Variants in TMEM71 observed in about 807,000 individuals in gnomAD.
TMEM71 encodes transmembrane protein 71.
In TMEM71, 44 loss-of-function variants were observed where a neutral mutation model predicts 38.0. The observed-to-expected ratio is 1.16, with a 90% confidence interval of 0.91 to 1.49. The LOEUF is 1.49. Among genes scored for constraint, TMEM71 ranks in the 40% most tolerant of loss-of-function variants. The pLI is 0.00. For missense variants in TMEM71, 367 were observed against 348.6 expected (o/e 1.05, Z -0.42); for synonymous variants, 133 against 122.5 (o/e 1.09, Z -0.56).
intron 3 of TMEM71, among the ~76,000 whole-genome samples, chr8:132,754,569 A>G (rs767765752): frequency 7.2e-5 from 11 of 152,058 alleles, no homozygotes; most frequent in Non-Finnish European, 1.5e-4. Flanking sequence ...ACCAAAATAA[A>G]CCTCATAGAT....
intron 3 of TMEM71, 57 bp from the exon 4 acceptor site, chr8:132,752,054 T>C: frequency 1.4e-6 from 2 of 1,414,688 alleles, no homozygotes. Flanking sequence ...CAGTCCCAAA[T>C]AAACCATGTC....
intron 5 of TMEM71, among the ~76,000 whole-genome samples, chr8:132,732,449 A>G (rs1426180552): frequency 6.6e-6 from 1 of 152,152 alleles, no homozygotes; most frequent in Non-Finnish European, 1.5e-5. Flanking sequence ...AGACAAGAGC[A>G]TGTGCATGAG....
chr8:132,763,365 T>G (rs1829326341), upstream of TMEM71, among the ~76,000 whole-genome samples: 1 of 152,238 alleles, frequency 6.6e-6, no homozygotes, highest in South Asian at 2.1e-4. Flanking sequence ...TATAGTAGGT[T>G]ATCAATTAAT....
At chr8:132,706,224 T>C (rs1310136805), downstream of TMEM71, among the ~76,000 whole-genome samples, 1 of 152,184 alleles carries the variant, frequency 6.6e-6, no homozygotes, top group Non-Finnish European at 1.5e-5. Flanking sequence ...AGTATTTTCT[T>C]ATAGCAGTCT....
chr8:132,767,962 T>C, the TMEM71 span, among the ~76,000 whole-genome samples: 2 of 152,208 alleles, frequency 1.3e-5, no homozygotes, highest in Non-Finnish European at 2.9e-5. Context: ...ACAATGCCAT[T>C]AAGCAATTAT....
At chr8:132,741,355 C>T (rs6998136) in intron 5 of TMEM71, among the ~76,000 whole-genome samples, 45,400 of 151,816 alleles carry the variant, frequency 0.3, 6,972 homozygotes, top group Non-Finnish European at 0.33. Flanking sequence ...CCATGTGTGG[C>T]GACGAGAGAG....
intron 9 of TMEM71, among the ~76,000 whole-genome samples, chr8:132,713,276 G>A (rs1005701311): frequency 6.6e-6 from 1 of 151,636 alleles, no homozygotes; most frequent in African/African-American, 2.4e-5. Flanking sequence ...CAGAAATTAT[G>A]GGAAGCATCA....
chr8:132,706,825 A>T (rs1826101824), downstream of TMEM71, among the ~76,000 whole-genome samples: 1 of 152,158 alleles, frequency 6.6e-6, no homozygotes, highest in Non-Finnish European at 1.5e-5. Flanking sequence ...CATCCTTTTC[A>T]ATCTCTAATT....
rs557570209 is a variant in TMEM71 at position 132,710,717 on chromosome 8, C to T, written c.*250G>A. ...GCGGTCTCTTTTCCATCACATTCCC[C>T]GTCCTTTTCCTTTCAACTGCCGGTG... On this transcript the variant is annotated 3_prime_UTR_variant, in exon 10 of 10. Transcript: ENST00000677595. 275 of 561,186 alleles carry T rather than the reference C, an allele frequency of 4.9e-4. 4 individuals are homozygous for T. In the East Asian group the frequency reaches 8.1e-3, roughly 16 times the overall value. 34.8% of individuals were successfully genotyped at this position (561,186 alleles called of 1,614,324 possible).
intron 5 of TMEM71, 22 bp downstream of exon 5, chr8:132,746,920 G>A (rs1449438341): frequency 6.4e-7 from 1 of 1,553,002 alleles, no homozygotes; most frequent in Non-Finnish European, 8.7e-7. Flanking sequence ...ATTTTACTAT[G>A]GAAAGGAGGA....
In TMEM71 at chr8:132,710,571, A is replaced by C; in HGVS notation, c.*396T>G. 19 of 401,128 alleles carry C rather than the reference A, an allele frequency of 4.7e-5. No homozygotes were observed. The highest frequency in any genetic ancestry group is 9.0e-5 in the Admixed American group (2 of 22,194). The allele number at this position is 401,128 out of a possible 1,614,324, so 24.8% of individuals were successfully genotyped here. On this transcript the variant is annotated 3_prime_UTR_variant, in exon 10 of 10. Coordinates refer to ENST00000677595, the MANE Select transcript of TMEM71 (RefSeq NM_001382403.1). ...ATTATTCTATTAAAGCAATTCAGCA[A>C]GAGATAGGTGCATGTGGCAGACCCA...
intron 6 of TMEM71, 87 bp downstream of exon 6, chr8:132,727,711 T>C: frequency 8.0e-7 from 1 of 1,252,386 alleles, no homozygotes. Context: ...AGCTCCTAAC[T>C]GCATTTTAGT....
intron 6 of TMEM71, 70 bp downstream of exon 6, chr8:132,727,728 C>T (rs1042514335): frequency 7.1e-7 from 1 of 1,403,128 alleles, no homozygotes; most frequent in Non-Finnish European, 9.7e-7. Flanking sequence ...TAGTCATCTC[C>T]AAGTCATTCT....
At chr8:132,743,198 G>A (rs370321890) in intron 5 of TMEM71, among the ~76,000 whole-genome samples, 4,005 of 146,448 alleles carry the variant, frequency 0.027, 184 homozygotes, top group African/African-American at 0.096. Flanking sequence ...AAGAAGAGCC[G>A]CAGGGACTCA....
At chr8:132,770,094 C>G in the TMEM71 span, among the ~76,000 whole-genome samples, 2 of 152,130 alleles carry the variant, frequency 1.3e-5, no homozygotes, top group Non-Finnish European at 2.9e-5. Flanking sequence ...GGGGATTGTA[C>G]GTTGTAGAGA....
chr8:132,716,198 C>T (rs1826521148), intron 7 of TMEM71, among the ~76,000 whole-genome samples: 1 of 152,254 alleles, frequency 6.6e-6, no homozygotes, highest in African/African-American at 2.4e-5. Flanking sequence ...CCTGCTCCTG[C>T]CCCTGGCCTC....
At chr8:132,713,794 T>A (rs1295068968) in intron 9 of TMEM71, among the ~76,000 whole-genome samples, 2 of 152,252 alleles carry the variant, frequency 1.3e-5, no homozygotes, top group Non-Finnish European at 2.9e-5. Context: ...AGTCCTGTGC[T>A]TAACAATTAT....
chr8:132,715,257 A>G (rs937671214), intron 7 of TMEM71, among the ~76,000 whole-genome samples: 3 of 151,552 alleles, frequency 2.0e-5, no homozygotes, highest in African/African-American at 7.3e-5. Flanking sequence ...ATGCAAAAAA[A>G]AAAATAGCCG....
chr8:132,768,828 T>C, the TMEM71 span, among the ~76,000 whole-genome samples: 2 of 152,246 alleles, frequency 1.3e-5, no homozygotes, highest in African/African-American at 2.4e-5. Flanking sequence ...TGTCCACAAT[T>C]ACCTTGGAGA....
Sources: gnomAD v4.1 joint callset for allele counts (sites outside exome capture counted in the v4.1 genomes callset) on GRCh38, gnomAD v4.1.1 for gene constraint, MANE v1.5 for transcripts, NCBI Gene and HGNC (gene_info 2026-07-23, HGNC 2026-07-21) for gene names.